Variants in DNAH10 observed in about 807,000 individuals in gnomAD.
The protein encoded by DNAH10 is axonemal beta dynein heavy chain 10.
DNAH10 carries 348 observed loss-of-function variants against 506.6 expected under a neutral mutation model. The observed-to-expected ratio is 0.69, with a 90% CI of 0.63 to 0.75. The LOEUF (loss-of-function observed/expected upper bound fraction) is 0.75. Ranked by LOEUF, DNAH10 falls within the 30% of genes least tolerant of loss-of-function variation. The pLI is 0.00. For synonymous variants in DNAH10, 2,059 were observed against 2,198.6 expected, an observed-to-expected ratio of 0.94 and a Z score of 1.78; for missense variants, 5,179 against 5,787.1, an observed-to-expected ratio of 0.89 and a Z score of 3.41.
At chr12:123,859,698 A>G (rs1479530127) in intron 38 of DNAH10, among the ~76,000 whole-genome samples, 2 of 152,118 alleles carry the variant, frequency 1.3e-5, no homozygotes, top group Non-Finnish European at 2.9e-5. Flanking sequence ...TTCGGGGGCA[A>G]TTCTTCACGA....
intron 37 of DNAH10, among the ~76,000 whole-genome samples, chr12:123,858,281 G>A (rs1399716289): frequency 6.6e-6 from 1 of 152,194 alleles, no homozygotes; most frequent in Non-Finnish European, 1.5e-5. Context: ...GATTGGCAGA[G>A]TCCTGCTGAG....
In DNAH10 at chr12:123,910,595, C is replaced by T; in HGVS notation, c.10057C>T (p.Leu3353=). The stretch of plus-strand genomic sequence containing the variant: ...AATGGAAGCTGTCAGCAAAGCCGGG[C>T]TGGGGATGCTGAAATTTGTTGAAGC... ...EEMEAVSKAG[L]GMLKFVEAVM... Residue 3353 remains leucine (L), a synonymous_variant, in exon 59 of 79, where the codon CTG becomes TTG. Transcript: ENST00000673944. 1.2e-6 allele frequency: 2 copies of T among 1,613,558 alleles called. No individual in the cohort carries two copies. The highest frequency in any genetic ancestry group is 1.7e-6 in the Non-Finnish European group (2 of 1,179,856).
rs759247994 is a variant in DNAH10, at chr12:123,902,910, C to A, written c.9641-29C>A. ...CGAGTGCATCTCCTCTGAGCCCAAGCTTTACTCACCCCCTGTCCTACCCTG... is the reference window on the plus strand; with the variant it reads ...CGAGTGCATCTCCTCTGAGCCCAAGATTTACTCACCCCCTGTCCTACCCTG... On this transcript the variant is annotated intron_variant, in intron 56 of 78. Transcript: ENST00000673944. This position sits in a 1 kb window ranked among gnomAD's most constrained non-coding sequence, Gnocchi z 4.5. The A allele has an allele frequency of 1.1e-5, 17 of 1,557,418 alleles. No individual in the cohort carries two copies. In the African/African-American group the frequency reaches 2.2e-4, roughly 20 times the overall value.
At chr12:123,924,794 G>A (rs1370220478) in intron 67 of DNAH10, among the ~76,000 whole-genome samples, 2 of 151,998 alleles carry the variant, frequency 1.3e-5, no homozygotes, top group Non-Finnish European at 2.9e-5. Flanking sequence ...GTCCATCCAA[G>A]AAATAGTTGT....
chr12:123,873,488 A>G, intron 45 of DNAH10, 70 bp from the exon 46 acceptor site: 4 of 1,524,134 alleles, frequency 2.6e-6, no homozygotes, highest in Non-Finnish European at 3.5e-6. Context: ...TTGCTAGCTT[A>G]TTTGCAAATG....
intron 5 of DNAH10, 109 bp downstream of exon 5, chr12:123,774,373 T>C (rs1957363187): frequency 4.8e-6 from 4 of 834,402 alleles, no homozygotes; most frequent in Non-Finnish European, 7.4e-6. Flanking sequence ...GGTGCTGTTA[T>C]GGGCACTGAG....
At chr12:123,868,233 C>A in intron 43 of DNAH10, 114 bp downstream of exon 43, 1 of 983,700 alleles carries the variant, frequency 1.0e-6, no homozygotes, top group Non-Finnish European at 1.5e-6. Context: ...AGATTGTTTG[C>A]TTCTTTAGAG....
At chr12:123,798,287 A>T (rs561628244) in intron 13 of DNAH10, among the ~76,000 whole-genome samples, 85 of 152,362 alleles carry the variant, frequency 5.6e-4, no homozygotes, top group Non-Finnish European at 9.3e-4. Context: ...ACAGTTCTGC[A>T]GGCTGTACAG....
rs1951880929 is a variant in DNAH10, at chr12:123,868,023, G to T, written c.7423G>T (p.Asp2475Tyr). The T allele has an allele frequency of 6.2e-7, 1 of 1,613,844 alleles. No individual in the cohort carries two copies. Among genetic ancestry groups the T allele is most frequent in the South Asian group, 1.1e-5 (1 of 91,082 alleles). ...CTCTCTGGGAGCCTCCCTGCTTGAG[G>T]ATGGAAGGATGAAATTTGACGAATA... ...YCSLGASLLE[D>Y]GRMKFDEYIK... is the part of the protein sequence containing the mutation. The change falls in exon 43 of 79, where the codon GAT becomes TAT. Residue 2475 changes from aspartate (D) to tyrosine (Y), a missense_variant. Physicochemically the swap from Asp to Tyr is radical, Grantham distance 160. This residue lies in a region of DNAH10 where 4,844 missense variants were observed against 5,430.5 expected (regional missense o/e 0.89). Coordinates refer to ENST00000673944, the MANE Select transcript of DNAH10 (RefSeq NM_001372106.1).
intron 36 of DNAH10, among the ~76,000 whole-genome samples, chr12:123,855,075 G>A (rs888741456): frequency 5.9e-5 from 9 of 152,180 alleles, no homozygotes; most frequent in Admixed American, 1.3e-4. Context: ...AGAAGCCCCC[G>A]TCAGTTGCTT....
At chr12:123,811,510 T>TA (rs199671566) in intron 19 of DNAH10, among the ~76,000 whole-genome samples, 4,106 of 151,364 alleles carry the variant, frequency 0.027, 202 homozygotes, top group African/African-American at 0.094. Context: ...TTTATTTATT[T>TA]TTTTTTTTGA....
At chr12:123,828,551 A>G (rs1264803619) in intron 25 of DNAH10, among the ~76,000 whole-genome samples, 2 of 152,170 alleles carry the variant, frequency 1.3e-5, no homozygotes, top group Non-Finnish European at 2.9e-5. Context: ...ATACTCGCCG[A>G]GTCTGCTTTT....
At position 123,881,886 on chromosome 12, in the gene DNAH10, G is replaced by A. The variant is rs1047201901; in HGVS notation, c.8823+73G>A. The A allele has an allele frequency of 2.2e-6, 3 of 1,340,472 alleles. No individual in the cohort carries two copies. The Admixed American group carries it at 1.1e-4, about 47-fold the overall frequency. The allele number at this position is 1,340,472 out of a possible 1,614,324, so 83.0% of individuals were successfully genotyped here. ...GCAGTTGGTAGTTCGTGTACATATT[G>A]GAACAATCCACAGCAGATCATAGCA... is the stretch of plus-strand genomic sequence containing the variant. On this transcript the variant is annotated intron_variant, in intron 51 of 78. Transcript: ENST00000673944.
chr12:123,916,441 C>T lies in DNAH10; in HGVS notation c.10723-16C>T, dbSNP rs750579719. On this transcript the variant is annotated splice_polypyrimidine_tract_variant and intron_variant, in intron 62 of 78. Transcript: ENST00000673944. This position sits in a 1 kb window ranked among gnomAD's most constrained non-coding sequence, Gnocchi z 4.6. The stretch of plus-strand genomic sequence containing the variant: ...TTAAACGTGGGCTTTCAGCATCTGC[C>T]TCCCTTCTCTTCCAGGTCGCTTCCT... 6.3e-6 allele frequency: 10 copies of T among 1,594,032 alleles called. No individual in the cohort carries two copies. Among genetic ancestry groups the T allele is most frequent in the East Asian group, 2.2e-5 (1 of 44,606 alleles).
intron 18 of DNAH10, among the ~76,000 whole-genome samples, chr12:123,807,977 T>TGAGAGAGGGAGGTGGAGG (rs1565928932): frequency 7.2e-6 from 1 of 138,292 alleles, no homozygotes; most frequent in Non-Finnish European, 1.6e-5. Flanking sequence ...GGAGGTGGAG[T>TGAGAGAGGGAGGTGGAGG]GAGAGGGAGA....
chr12:123,868,744 G>C (rs941422384), intron 43 of DNAH10, among the ~76,000 whole-genome samples: 6 of 152,186 alleles, frequency 3.9e-5, no homozygotes, highest in Non-Finnish European at 8.8e-5. Flanking sequence ...TTTTGAAGTT[G>C]TATTTTATAC....
At chr12:123,893,760 G>T (rs963060149) in intron 53 of DNAH10, among the ~76,000 whole-genome samples, 8 of 152,194 alleles carry the variant, frequency 5.3e-5, no homozygotes, top group African/African-American at 1.9e-4. Flanking sequence ...GTTCCTAATG[G>T]GCGGGGCAGG....
At position 123,813,881 on chromosome 12, in the gene DNAH10, G is replaced by A. The variant is rs751458089; in HGVS notation, c.3749G>A (p.Arg1250Gln). ...CTCAGATATAGGGACGTCCAGGAGC[G>A]ATACCGTACCATGGCAATGTATAAC... is the stretch of plus-strand genomic sequence containing the variant. ...MELRYRDVQE[R>Q]YRTMAMYNLF... is the part of the protein sequence containing the mutation. The change falls in exon 21 of 79, where the codon CGA (arginine) becomes CAA (glutamine). Residue 1250 changes from arginine (R) to glutamine (Q), a missense_variant. Around this residue, in one of 3 missense-constraint regions of DNAH10, gnomAD observed 4,844 missense variants for 5,430.5 expected, o/e 0.89. Transcript: ENST00000673944. 30 of 1,601,540 alleles carry A rather than the reference G, an allele frequency of 1.9e-5. No homozygotes were observed. The highest frequency in any genetic ancestry group is 1.4e-4 in the South Asian group (12 of 88,020).
Position 123,929,203 on chromosome 12 carries a change from T to C in DNAH10, c.12307-72T>C. 3 of 1,462,332 alleles carry C rather than the reference T, an allele frequency of 2.1e-6. No individual in the cohort carries two copies. The South Asian group carries it at 3.7e-5, about 18-fold the overall frequency. 90.6% of individuals were successfully genotyped at this position (1,462,332 alleles called of 1,614,324 possible). A position where few individuals can be genotyped will look rare whatever the true frequency, so the allele number is the denominator to read the frequency against. ...TAGAGAGGAAGGAAAGCGCAGTGCCTGCATTGTGCACACTCTTCCAAGCTT... is the reference window on the plus strand; with the variant it reads ...TAGAGAGGAAGGAAAGCGCAGTGCCCGCATTGTGCACACTCTTCCAAGCTT... On this transcript the variant is annotated intron_variant, in intron 70 of 78. Transcript: ENST00000673944.
Sources: allele counts gnomAD v4.1 joint callset (sites outside exome capture counted in the v4.1 genomes callset), GRCh38; gene constraint gnomAD v4.1.1; regional missense constraint gnomAD v4.1.1; non-coding constraint Gnocchi (gnomAD v3.1); transcripts MANE v1.5; gene names NCBI Gene and HGNC (gene_info 2026-07-23, HGNC 2026-07-21).